CCDC122: variants seen among roughly 807,000 people sequenced by gnomAD.
CCDC122 encodes the protein coiled-coil domain-containing protein 122.
In CCDC122, 38 loss-of-function variants were observed where a neutral mutation model predicts 37.0. That is an observed-to-expected ratio of 1.03 (90% CI 0.79 to 1.35). The LOEUF (loss-of-function observed/expected upper bound fraction) is 1.35, where lower values mean the gene tolerates loss of function less well. CCDC122 is among the 40% of genes most tolerant of loss of function. The pLI is 0.00. For missense variants in CCDC122, 305 were observed against 310.0 expected (o/e 0.98, Z 0.12); for synonymous variants, 83 against 95.6 (o/e 0.87, Z 0.77).
At chr13:43,825,453 A>C (rs1443745225) in intron 3 of CCDC122, among the ~76,000 whole-genome samples, 1 of 152,036 alleles carries the variant, frequency 6.6e-6, no homozygotes, top group East Asian at 1.9e-4. Flanking sequence ...CACAGACATA[A>C]AGATAGAGAT....
chr13:43,838,454 G>C (rs561993667), intron 6 of CCDC122, among the ~76,000 whole-genome samples: 2 of 152,056 alleles, frequency 1.3e-5, no homozygotes, highest in Admixed American at 1.3e-4. Context: ...ATTGGTCTTC[G>C]TGTCGGGCCA....
intron 6 of CCDC122, chr13:43,856,639 AAAAAG>A (rs1426378837): frequency 2.8e-5 from 4 of 141,768 alleles, no homozygotes; most frequent in Non-Finnish European, 1.5e-5. Context: ...CAAAAAAAAA[AAAAAG>A]AAAAGAAAAA....
intron 4 of CCDC122, among the ~76,000 whole-genome samples, chr13:43,868,316 C>A (rs988013862): frequency 3.3e-5 from 5 of 152,064 alleles, no homozygotes; most frequent in Non-Finnish European, 7.4e-5. Flanking sequence ...TAGAGGGAGG[C>A]TACTTGAAAT....
intron 4 of CCDC122, among the ~76,000 whole-genome samples, chr13:43,862,626 C>T (rs1954144443): frequency 6.6e-6 from 1 of 152,170 alleles, no homozygotes; most frequent in Admixed American, 6.6e-5. Flanking sequence ...CATCTTCCCA[C>T]TGCTTAAAAC....
At chr13:43,856,995 G>T (rs143165062) in intron 6 of CCDC122, among the ~76,000 whole-genome samples, 2 of 152,252 alleles carry the variant, frequency 1.3e-5, no homozygotes. Flanking sequence ...TTTCCAAAGT[G>T]CTTTTAGCAA....
intron 6 of CCDC122, among the ~76,000 whole-genome samples, chr13:43,852,502 T>C (rs181635283): frequency 5.9e-5 from 9 of 152,230 alleles, no homozygotes. Context: ...AGATCAAGTC[T>C]ATGACTCATT....
chr13:43,837,704 A>C (rs1382922209), intron 6 of CCDC122, among the ~76,000 whole-genome samples: 3 of 152,018 alleles, frequency 2.0e-5, no homozygotes, highest in African/African-American at 7.3e-5. Flanking sequence ...AAGAAACCAA[A>C]GATAAAAGAG....
At chr13:43,859,197 G>A (rs979415935) in intron 5 of CCDC122, among the ~76,000 whole-genome samples, 2 of 152,096 alleles carry the variant, frequency 1.3e-5, no homozygotes, top group African/African-American at 4.8e-5. Context: ...AGCAAGAAAT[G>A]ATCAATATTT....
At chr13:43,855,876 T>C (rs1953891570) in intron 6 of CCDC122, 1 of 152,156 alleles carries the variant, frequency 6.6e-6, no homozygotes, top group Non-Finnish European at 1.5e-5. Context: ...CAAAGGAATA[T>C]AAATCATTCT....
At chr13:43,822,459 C>A (rs1953001078), downstream of CCDC122, among the ~76,000 whole-genome samples, 1 of 152,226 alleles carries the variant, frequency 6.6e-6, no homozygotes, top group Non-Finnish European at 1.5e-5. Context: ...TATGATCACT[C>A]AAGGCCCTAG....
chr13:43,819,674 A>G (rs775399348), downstream of CCDC122, among the ~76,000 whole-genome samples: 19 of 152,140 alleles, frequency 1.2e-4, no homozygotes, highest in Non-Finnish European at 1.9e-4. Flanking sequence ...CAATGAAATA[A>G]TGAATCAAAA....
chr13:43,847,658 A>T (rs1953588136), intron 6 of CCDC122, among the ~76,000 whole-genome samples: 1 of 152,212 alleles, frequency 6.6e-6, no homozygotes, highest in Non-Finnish European at 1.5e-5. Flanking sequence ...AACATTGGAC[A>T]TTTCTTCTTA....
At chr13:43,832,653 A>G (rs1438129166), downstream of CCDC122, among the ~76,000 whole-genome samples, 1 of 152,186 alleles carries the variant, frequency 6.6e-6, no homozygotes, top group East Asian at 1.9e-4. Flanking sequence ...GCCTTGCAAT[A>G]TATCAAAATG....
At chr13:43,864,118 A>G (rs1412530997) in intron 4 of CCDC122, among the ~76,000 whole-genome samples, 16 of 152,228 alleles carry the variant, frequency 1.1e-4, no homozygotes, top group African/African-American at 3.1e-4. Flanking sequence ...TCTCTACTGA[A>G]TTGCTTTGGT....
Position 43,859,860 on chromosome 13 carries a change from T to G in CCDC122, c.367A>C (p.Ile123Leu). ...TAQEDFEEHMIKYNAYYAKIK... is the reference protein window; with the variant it reads ...TAQEDFEEHMLKYNAYYAKIK... Reference sequence around the variant, plus strand: ...TTTGCATAATATGCATTATATTTTATCATGTGTTCCTCAAAATCTTCTTGG... The same window carrying G: ...TTTGCATAATATGCATTATATTTTAGCATGTGTTCCTCAAAATCTTCTTGG... The change falls in exon 5 of 7, where the codon ATA becomes CTA. Residue 123 changes from isoleucine to leucine, a missense_variant. Coordinates refer to ENST00000444614, the MANE Select transcript of CCDC122 (RefSeq NM_144974.5). 1 of 1,606,070 alleles carries G rather than the reference T, an allele frequency of 6.2e-7. No individual in the cohort carries two copies. Among genetic ancestry groups the G allele is most frequent in the Non-Finnish European group, 8.5e-7 (1 of 1,177,106 alleles).
downstream of CCDC122, among the ~76,000 whole-genome samples, chr13:43,834,247 C>A (rs993984838): frequency 6.6e-5 from 10 of 152,160 alleles, no homozygotes; most frequent in African/African-American, 2.4e-4. Flanking sequence ...GGGAAAACTG[C>A]CTAGCCATAT....
chr13:43,862,111 A>G (rs1403804319), intron 4 of CCDC122, among the ~76,000 whole-genome samples: 2 of 152,278 alleles, frequency 1.3e-5, no homozygotes, highest in African/African-American at 4.8e-5. Flanking sequence ...AACATAAATC[A>G]TATCATGTTA....
chr13:43,863,079 T>G (rs1954163538), intron 4 of CCDC122, among the ~76,000 whole-genome samples: 1 of 152,122 alleles, frequency 6.6e-6, no homozygotes, highest in African/African-American at 2.4e-5. Flanking sequence ...TTGATGAATT[T>G]TGACCTTCTT....
At chr13:43,869,712 T>TG in intron 2 of CCDC122, among the ~76,000 whole-genome samples, 1 of 151,228 alleles carries the variant, frequency 6.6e-6, no homozygotes, top group African/African-American at 2.5e-5. Context: ...GCTGTTCTAA[T>TG]AATTAAAGTA....
Sources: allele counts gnomAD v4.1 joint callset (sites outside exome capture counted in the v4.1 genomes callset), GRCh38; gene constraint gnomAD v4.1.1; transcripts MANE v1.5; gene names NCBI Gene and HGNC (gene_info 2026-07-23, HGNC 2026-07-21).